The following LATS2 variants were observed in gnomAD, a reference collection of about 807,000 sequenced individuals.
LATS2 encodes serine/threonine-protein kinase LATS2.
In LATS2, 24 loss-of-function variants were observed where a neutral mutation model predicts 76.0. The observed-to-expected ratio is 0.32, with a 90% CI of 0.23 to 0.44. The LOEUF (loss-of-function observed/expected upper bound fraction) is 0.44, where lower values mean the gene tolerates loss of function less well. Among genes scored for constraint, LATS2 ranks in the 20% least tolerant of loss-of-function variants. The pLI is 1.00. For missense variants in LATS2, 1,286 were observed against 1,481.2 expected, an observed-to-expected ratio of 0.87 and a Z score of 2.16; for synonymous variants, 692 against 635.4, an observed-to-expected ratio of 1.09 and a Z score of -1.34.
At chr13:21,045,070 A>T (rs1009786597) in intron 2 of LATS2, among the ~76,000 whole-genome samples, 7 of 150,082 alleles carry the variant, frequency 4.7e-5, no homozygotes, top group African/African-American at 1.5e-4. Context: ...ACCTCCACTA[A>T]TGTATCCTTT....
chr13:21,021,670 G>A (rs951274462), intron 2 of LATS2, among the ~76,000 whole-genome samples: 1 of 152,108 alleles, frequency 6.6e-6, no homozygotes, highest in Non-Finnish European at 1.5e-5. Context: ...AATTTTTGAA[G>A]AATTGAGGAC....
chr13:20,994,334 A>T (rs970803274), intron 2 of LATS2, among the ~76,000 whole-genome samples: 6 of 152,196 alleles, frequency 3.9e-5, no homozygotes, highest in African/African-American at 1.4e-4. Flanking sequence ...AGTACTTCCT[A>T]TCTGTACATT....
At chr13:21,008,582 A>T (rs1223803856) in intron 2 of LATS2, among the ~76,000 whole-genome samples, 1 of 152,198 alleles carries the variant, frequency 6.6e-6, no homozygotes. Context: ...CAAAACTTAA[A>T]TAGTCACAAG....
At chr13:21,026,446 G>A (rs1299443715) in intron 2 of LATS2, among the ~76,000 whole-genome samples, 1 of 152,152 alleles carries the variant, frequency 6.6e-6, no homozygotes, top group Admixed American at 6.5e-5. Context: ...GGTCCCTCGG[G>A]TTTCTTTGTT....
At chr13:21,050,026 A>G (rs1409358067) in intron 1 of LATS2, among the ~76,000 whole-genome samples, 1 of 152,066 alleles carries the variant, frequency 6.6e-6, no homozygotes, top group African/African-American at 2.4e-5. Context: ...AGGCTGAGGC[A>G]GGAGAATCCC....
chr13:20,975,215 G>A lies in LATS2; in HGVS notation c.2922C>T (p.Ser974=), dbSNP rs145604868. The A allele has an allele frequency of 4.2e-4, 674 of 1,614,198 alleles. No individual in the cohort carries two copies. The African/African-American group carries it at 7.3e-3, about 18-fold the overall frequency. The change falls in exon 8 of 8, where the codon AGC becomes AGT. Residue 974 remains serine, a synonymous_variant. Coordinates refer to ENST00000382592, the MANE Select transcript of LATS2 (RefSeq NM_014572.3). The stretch of plus-strand genomic sequence containing the variant: ...GGATGTCACTGGAGAAGTCAATGGC[G>A]CTGAAGAAGGGGTGGGCCTTCAGGT... ...ADDLKAHPFF[S]AIDFSSDIRK... is the part of the protein sequence containing the mutation.
intron 1 of LATS2, among the ~76,000 whole-genome samples, chr13:21,052,631 C>T (rs1239180097): frequency 1.3e-5 from 2 of 152,208 alleles, no homozygotes; most frequent in Non-Finnish European, 2.9e-5. Flanking sequence ...GGATAACAGG[C>T]GCGGGCTACC....
intron 2 of LATS2, among the ~76,000 whole-genome samples, chr13:21,038,130 A>G (rs1872742968): frequency 6.6e-6 from 1 of 152,068 alleles, no homozygotes; most frequent in Non-Finnish European, 1.5e-5. Context: ...AACAAATCAG[A>G]CTGAGGAGGG....
chr13:21,006,045 G>A lies in LATS2; in HGVS notation c.343-14641C>T, dbSNP rs533072981. Among the ~76,000 whole-genome samples, 26 of 152,142 alleles carry A rather than the reference G, an allele frequency of 1.7e-4. No homozygotes were observed. In the South Asian group the frequency reaches 3.7e-3, roughly 22 times the overall value. On this transcript the variant is annotated intron_variant, in intron 2 of 7. Transcript: ENST00000382592. ...CCAGCTACTCGGGAGGCTGAGGCAG[G>A]AGAATCGCTGGAACCCGGAAGGCAG...
intron 6 of LATS2, 104 bp from the exon 7 acceptor site, chr13:20,979,901 C>A (rs969327506): frequency 1.4e-5 from 9 of 662,342 alleles, no homozygotes; most frequent in Non-Finnish European, 2.1e-5. Flanking sequence ...AGTGGGAAAG[C>A]GCGTTGAAGC....
chr13:21,044,077 C>G (rs1178406560), intron 2 of LATS2, among the ~76,000 whole-genome samples: 2 of 152,242 alleles, frequency 1.3e-5, no homozygotes, highest in Non-Finnish European at 2.9e-5. Flanking sequence ...GTCAGCTTCA[C>G]TGCTGAAACA....
At chr13:21,000,359 T>A (rs1272265941) in intron 2 of LATS2, among the ~76,000 whole-genome samples, 3 of 151,948 alleles carry the variant, frequency 2.0e-5, no homozygotes, top group South Asian at 2.1e-4. Flanking sequence ...CCAGCCTGGG[T>A]GACAGAGCAA....
chr13:21,009,274 A>G (rs1871479141), intron 2 of LATS2, among the ~76,000 whole-genome samples: 1 of 152,222 alleles, frequency 6.6e-6, no homozygotes, highest in African/African-American at 2.4e-5. Flanking sequence ...GGCAGGAGCA[A>G]GCATGCTGCA....
At chr13:21,060,151 G>A (rs1271262690) in intron 1 of LATS2, among the ~76,000 whole-genome samples, 1 of 152,130 alleles carries the variant, frequency 6.6e-6, no homozygotes, top group Non-Finnish European at 1.5e-5. Flanking sequence ...TCCATTCCTC[G>A]CCTCGCCCCC....
rs1444091389 is a variant in LATS2, at chr13:20,975,010, G to A, written c.3127C>T (p.Arg1043Ter). The A allele has an allele frequency of 2.5e-6, 4 of 1,614,208 alleles. No homozygotes were observed. Among genetic ancestry groups the A allele is most frequent in the Admixed American group, 1.7e-5 (1 of 60,030 alleles). Reference protein sequence around the residue: ...PEHAFYEFTFRRFFDDNGYPF... With the variant: ...PEHAFYEFTF ...TAGCCATTGTCATCAAAGAACCTTCGGAAGGTGAATTCGTAAAATGCGTGC... is the reference window on the plus strand; with the variant it reads ...TAGCCATTGTCATCAAAGAACCTTCAGAAGGTGAATTCGTAAAATGCGTGC... Residue 1043 changes from arginine to a stop codon, truncating the protein, a stop_gained, in exon 8 of 8, where the codon CGA becomes TGA. Transcript: ENST00000382592. LOFTEE classifies it low-confidence loss of function (END_TRUNC).
intron 6 of LATS2, among the ~76,000 whole-genome samples, chr13:20,980,981 G>A (rs148821048): frequency 1.1e-3 from 163 of 152,228 alleles, no homozygotes; most frequent in African/African-American, 3.7e-3. Flanking sequence ...TACACAACTG[G>A]CACCTGCCAC....
chr13:21,007,565 AT>A (rs1309453867), intron 2 of LATS2, among the ~76,000 whole-genome samples: 1 of 17,208 alleles, frequency 5.8e-5, no homozygotes, highest in African/African-American at 6.7e-4. Context: ...ATATATATAT[AT>A]ATATATATAT....
intron 5 of LATS2, among the ~76,000 whole-genome samples, chr13:20,982,405 G>A (rs1409874331): frequency 1.1e-4 from 17 of 152,162 alleles, no homozygotes; most frequent in Admixed American, 3.3e-4. Context: ...TCTGCTTCCC[G>A]GGTTCAAGCG....
At position 21,030,645 on chromosome 13, in the gene LATS2, A is replaced by G. The variant is rs535694662; in HGVS notation, c.342+15040T>C. ...AAAAGAAAAAGAACTCTACAATAATATATTTCCATTTAACTCCCCCAACTC... is the reference window on the plus strand; with the variant it reads ...AAAAGAAAAAGAACTCTACAATAATGTATTTCCATTTAACTCCCCCAACTC... On this transcript the variant is annotated intron_variant, in intron 2 of 7. Coordinates refer to ENST00000382592, the MANE Select transcript of LATS2 (RefSeq NM_014572.3). Among the ~76,000 whole-genome samples the G allele has an allele frequency of 7.9e-5, 12 of 151,646 alleles. No homozygotes were observed. In the South Asian group the frequency reaches 2.3e-3, roughly 29 times the overall value.
Sources: allele counts gnomAD v4.1 joint callset (sites outside exome capture counted in the v4.1 genomes callset), GRCh38; gene constraint gnomAD v4.1.1; transcripts MANE v1.5; gene names NCBI Gene and HGNC (gene_info 2026-07-23, HGNC 2026-07-21).